PRLR: variants seen among roughly 807,000 people sequenced by gnomAD.
The protein encoded by PRLR is hPRL receptor.
Under a neutral mutation model 40.2 loss-of-function variants are expected in PRLR, and 13 were observed. The observed-to-expected ratio is 0.32, with a 90% CI of 0.21 to 0.51. PRLR has a LOEUF of 0.51. Among genes scored for constraint, PRLR ranks in the 20% least tolerant of loss-of-function variants. The pLI, the probability that PRLR is intolerant of heterozygous loss-of-function variation, is 0.97. For synonymous variants in PRLR, 269 were observed against 278.7 expected (o/e 0.97, Z 0.35); for missense variants, 656 against 747.3 (o/e 0.88, Z 1.42).
At chr5:35,124,205 A>T (rs912092794) in intron 1 of PRLR, among the ~76,000 whole-genome samples, 1 of 152,222 alleles carries the variant, frequency 6.6e-6, no homozygotes, top group Non-Finnish European at 1.5e-5. Flanking sequence ...ATGGTAGAGG[A>T]GTTCTTTACC....
At chr5:35,196,614 T>G (rs776952320) in intron 1 of PRLR, among the ~76,000 whole-genome samples, 1 of 152,184 alleles carries the variant, frequency 6.6e-6, no homozygotes, top group Non-Finnish European at 1.5e-5. Context: ...TTGGGAAGAT[T>G]GCTCCTGCAG....
At chr5:35,214,201 C>T (rs1776232402) in intron 1 of PRLR, among the ~76,000 whole-genome samples, 1 of 152,182 alleles carries the variant, frequency 6.6e-6, no homozygotes, top group African/African-American at 2.4e-5. Context: ...AAAGTATATT[C>T]TGCTAATCTC....
chr5:35,083,524 CT>C lies in PRLR; in HGVS notation c.373+945del, dbSNP rs59813376. Among the ~76,000 whole-genome samples the C allele has an allele frequency of 7.7e-3, 1,045 of 136,248 alleles. 5 individuals carry two copies. Among genetic ancestry groups the C allele is most frequent in the Non-Finnish European group, 9.7e-3 (610 of 63,076 alleles). 89.4% of individuals were successfully genotyped at this position (136,248 alleles called of 152,430 possible). On this transcript the variant is annotated intron_variant, in intron 5 of 9. Transcript: ENST00000618457. ...ACATTTAAATTCTTTCTTTTCTTTT[CT>C]TTTTTTTTTTTTGATGTGGAGTCTC...
chr5:35,157,957 G>T (rs1196695445), intron 1 of PRLR, among the ~76,000 whole-genome samples: 1 of 152,156 alleles, frequency 6.6e-6, no homozygotes, highest in Non-Finnish European at 1.5e-5. Context: ...TTCTAACCAT[G>T]GTATGAAGCT....
At chr5:35,150,636 G>A (rs1774315722) in intron 1 of PRLR, among the ~76,000 whole-genome samples, 1 of 152,094 alleles carries the variant, frequency 6.6e-6, no homozygotes, top group South Asian at 2.1e-4. Flanking sequence ...TAAAGTTAAG[G>A]CCTACAAGGG....
chr5:35,130,700 C>A (rs1426484493), intron 1 of PRLR, among the ~76,000 whole-genome samples: 2 of 152,160 alleles, frequency 1.3e-5, no homozygotes, highest in Non-Finnish European at 2.9e-5. Flanking sequence ...TTGCATCCTC[C>A]CGAAAGAGAC....
intron 1 of PRLR, among the ~76,000 whole-genome samples, chr5:35,222,711 A>T (rs1251685407): frequency 1.3e-5 from 2 of 152,022 alleles, no homozygotes; most frequent in Non-Finnish European, 2.9e-5. Context: ...GAGTGGGTAG[A>T]CTCACTTTGG....
chr5:35,153,604 A>G (rs1368650007), intron 1 of PRLR, among the ~76,000 whole-genome samples: 1 of 152,194 alleles, frequency 6.6e-6, no homozygotes, highest in Non-Finnish European at 1.5e-5. Context: ...TCATACACAC[A>G]GCTAGTGTTG....
At chr5:35,129,108 T>A (rs147564245) in intron 1 of PRLR, among the ~76,000 whole-genome samples, 2 of 152,256 alleles carry the variant, frequency 1.3e-5, no homozygotes, top group East Asian at 3.9e-4. Context: ...TAAAAAGAGA[T>A]GGTGTCAAAT....
At chr5:35,097,508 A>T (rs1319170885) in intron 2 of PRLR, among the ~76,000 whole-genome samples, 1 of 152,154 alleles carries the variant, frequency 6.6e-6, no homozygotes, top group Non-Finnish European at 1.5e-5. Flanking sequence ...TCAGGATTTG[A>T]TCTCTGGGGT....
chr5:35,074,883 T>C (rs1014081883), intron 5 of PRLR, among the ~76,000 whole-genome samples: 1 of 152,110 alleles, frequency 6.6e-6, no homozygotes, highest in Admixed American at 6.6e-5. Flanking sequence ...ACTTAGGTGC[T>C]GGGGTGCTGG....
In PRLR at chr5:35,089,606, C is replaced by T. The variant is rs199556971; in HGVS notation, c.15G>A (p.Val5=). ...GCAGAGTGAAAACGGTTGCAGATGC[C>T]ACATTTTCCTTCATGTTGGCTGCCT... MKEN[V]ASATVFTLLL... Residue 5 remains valine, a synonymous_variant, in exon 3 of 10, where the codon GTG becomes GTA. Transcript: ENST00000618457. The T allele has an allele frequency of 1.2e-6, 2 of 1,614,032 alleles. No homozygotes were observed. The highest frequency in any genetic ancestry group is 3.3e-5 in the Admixed American group (2 of 60,016).
chr5:35,129,349 T>G (rs1240252301), intron 1 of PRLR, among the ~76,000 whole-genome samples: 1 of 152,228 alleles, frequency 6.6e-6, no homozygotes, highest in Non-Finnish European at 1.5e-5. Flanking sequence ...GATTGAAATC[T>G]CAATCCAGTT....
chr5:35,149,516 TA>T (rs1247975600), intron 1 of PRLR, among the ~76,000 whole-genome samples: 12 of 152,204 alleles, frequency 7.9e-5, no homozygotes, highest in African/African-American at 1.7e-4. Context: ...AGCAGACAAC[TA>T]AGCTTCTTAT....
chr5:35,214,566 G>A (rs1212731315), intron 1 of PRLR, among the ~76,000 whole-genome samples: 1 of 152,154 alleles, frequency 6.6e-6, no homozygotes, highest in Non-Finnish European at 1.5e-5. Context: ...CAAAGATAGA[G>A]CCTGAGGTTC....
intron 8 of PRLR, among the ~76,000 whole-genome samples, chr5:35,049,843 T>C (rs1768425867): frequency 6.6e-6 from 1 of 151,958 alleles, no homozygotes; most frequent in African/African-American, 2.4e-5. Flanking sequence ...TTTAAATGCA[T>C]CTCAGTAAGA....
In PRLR at chr5:35,086,889, T is replaced by C. The variant is rs75025248; in HGVS notation, c.71-549A>G. Among the ~76,000 whole-genome samples, 160 of 152,278 alleles carry C rather than the reference T, an allele frequency of 1.1e-3. 4 individuals are homozygous for C. In the East Asian group the frequency reaches 0.03, roughly 28 times the overall value. ...ATCCCCACACAATGAACTCAACTTGTTCCTGATCTTCTGTCCGTTCACTAC... is the reference window on the plus strand; with the variant it reads ...ATCCCCACACAATGAACTCAACTTGCTCCTGATCTTCTGTCCGTTCACTAC... On this transcript the variant is annotated intron_variant, in intron 3 of 9. Coordinates refer to ENST00000618457, the MANE Select transcript of PRLR (RefSeq NM_000949.7).
chr5:35,066,939 A>G (rs1000629928), intron 9 of PRLR, among the ~76,000 whole-genome samples: 9 of 151,382 alleles, frequency 5.9e-5, no homozygotes, highest in African/African-American at 1.9e-4. Flanking sequence ...AATTTTTTAC[A>G]TTTTTAGTAG....
intron 1 of PRLR, among the ~76,000 whole-genome samples, chr5:35,146,904 G>A (rs562317201): frequency 3.7e-4 from 56 of 152,198 alleles, no homozygotes; most frequent in Middle Eastern, 3.4e-3. Context: ...AGATGGAAGT[G>A]GAGTTATCTA....
Sources: gnomAD v4.1 joint callset for allele counts (sites outside exome capture counted in the v4.1 genomes callset) on GRCh38, gnomAD v4.1.1 for gene constraint, MANE v1.5 for transcripts, NCBI Gene and HGNC (gene_info 2026-07-23, HGNC 2026-07-21) for gene names.